Variants in SDK1 observed in about 807,000 individuals in gnomAD.
SDK1 encodes the protein protein sidekick-1.
A neutral mutation model predicts 245.5 loss-of-function variants in SDK1; 157 were observed. The ratio of observed to expected loss-of-function variants is 0.64; its 90% CI spans 0.56 to 0.73. SDK1 has a LOEUF of 0.73. Among genes scored for constraint, SDK1 ranks in the 30% least tolerant of loss-of-function variants. SDK1 has a pLI of 0.00. For missense variants in SDK1, 3,583 were observed against 3,002.3 expected (o/e 1.19, Z -4.52); for synonymous variants, 1,647 against 1,278.5 (o/e 1.29, Z -6.15).
At chr7:4,252,609 G>A (rs558891844) in intron 44 of SDK1, among the ~76,000 whole-genome samples, 6 of 152,260 alleles carry the variant, frequency 3.9e-5, no homozygotes, top group African/African-American at 1.4e-4. Context: ...ATATAGGTCT[G>A]TAGTTTACTT....
At chr7:3,713,807 G>A (rs1475942711) in intron 4 of SDK1, among the ~76,000 whole-genome samples, 1 of 152,134 alleles carries the variant, frequency 6.6e-6, no homozygotes, top group Non-Finnish European at 1.5e-5. Context: ...TAATGTTAAG[G>A]TATTATAGTC....
intron 1 of SDK1, among the ~76,000 whole-genome samples, chr7:3,454,317 G>GT (rs1292371805): frequency 1.3e-5 from 2 of 150,858 alleles, no homozygotes; most frequent in Non-Finnish European, 2.9e-5. Context: ...TTAATGTTAC[G>GT]TTTTTTCAGT....
Position 3,648,624 on chromosome 7 carries a change from C to T in SDK1, c.713+6519C>T, listed in dbSNP as rs555171529. Among the ~76,000 whole-genome samples the T allele has an allele frequency of 3.3e-5, 5 of 152,260 alleles. No individual in the cohort carries two copies. The South Asian group carries it at 8.3e-4, about 25-fold the overall frequency. On this transcript the variant is annotated intron_variant, in intron 4 of 44. Coordinates refer to ENST00000404826, the MANE Select transcript of SDK1 (RefSeq NM_152744.4). ...TTCAAGAAAGATTTGTTTAAATTAG[C>T]GCTTGCATTGGAAGTCACAACTTAA...
At chr7:3,544,326 G>C (rs1041690700) in intron 1 of SDK1, among the ~76,000 whole-genome samples, 2 of 152,232 alleles carry the variant, frequency 1.3e-5, no homozygotes, top group African/African-American at 4.8e-5. Context: ...TTTTGTCAGA[G>C]AAAGTGGTGT....
In SDK1 at chr7:3,474,978, A is replaced by G. The variant is rs528169266; in HGVS notation, c.299-144102A>G. 3.9e-5 allele frequency among the ~76,000 whole-genome samples: 6 copies of G among 152,314 alleles called. No homozygotes were observed. In the East Asian group the frequency reaches 1.2e-3, roughly 29 times the overall value. On this transcript the variant is annotated intron_variant, in intron 1 of 44. Coordinates refer to ENST00000404826, the MANE Select transcript of SDK1 (RefSeq NM_152744.4). ...AATTCTGGAATTGCAGGTGTGAGCC[A>G]CCGTGTCCAGCCCTGACCCATTGTA... is the stretch of plus-strand genomic sequence containing the variant.
intron 4 of SDK1, among the ~76,000 whole-genome samples, chr7:3,810,201 AC>A (rs1451159953): frequency 6.6e-6 from 1 of 152,162 alleles, no homozygotes; most frequent in Non-Finnish European, 1.5e-5. Flanking sequence ...GTCCTCATCT[AC>A]TTTTTAGACG....
At chr7:4,227,501 G>A (rs1162596618) in intron 40 of SDK1, 1 of 463,718 alleles carries the variant, frequency 2.2e-6, no homozygotes, top group African/African-American at 2.0e-5. Context: ...TTTCTAACCT[G>A]GATTGGCCAT....
chr7:3,570,169 A>G (rs779590510), intron 1 of SDK1, among the ~76,000 whole-genome samples: 11 of 151,982 alleles, frequency 7.2e-5, no homozygotes, highest in African/African-American at 1.2e-4. Context: ...CCTTGACTCA[A>G]CCTTTTTGGC....
intron 1 of SDK1, among the ~76,000 whole-genome samples, chr7:3,506,397 C>T (rs1201227430): frequency 6.6e-6 from 1 of 152,064 alleles, no homozygotes; most frequent in African/African-American, 2.4e-5. Context: ...TTGTTTGCTT[C>T]TATTTATCAC....
At chr7:3,975,909 G>C (rs992297382) in intron 13 of SDK1, among the ~76,000 whole-genome samples, 1 of 148,038 alleles carries the variant, frequency 6.8e-6, no homozygotes, top group African/African-American at 2.5e-5. Flanking sequence ...CTGCCACGTA[G>C]AGGGTCCTCC....
At chr7:4,065,694 G>GTTGTTTTTTTTT (rs1779841876) in intron 19 of SDK1, among the ~76,000 whole-genome samples, 10 of 66,732 alleles carry the variant, frequency 1.5e-4, no homozygotes, top group African/African-American at 3.4e-4. Flanking sequence ...AGTGGTTGTT[G>GTTGTTTTTTTTT]TTTTTTTTTT....
intron 5 of SDK1, among the ~76,000 whole-genome samples, chr7:3,904,437 C>G (rs1340815356): frequency 6.6e-6 from 1 of 152,078 alleles, no homozygotes; most frequent in Non-Finnish European, 1.5e-5. Context: ...GTGACTCACA[C>G]CTGTAATGCA....
At chr7:3,486,435 A>G (rs1203813099) in intron 1 of SDK1, among the ~76,000 whole-genome samples, 7 of 151,866 alleles carry the variant, frequency 4.6e-5, no homozygotes, top group African/African-American at 1.7e-4. Flanking sequence ...CTAATAATTT[A>G]TTCTACTTTC....
chr7:3,536,873 A>G (rs533875363), intron 1 of SDK1, among the ~76,000 whole-genome samples: 4 of 152,230 alleles, frequency 2.6e-5, no homozygotes, highest in African/African-American at 4.8e-5. Context: ...GTACCATGCT[A>G]TTATGAAGTA....
At chr7:3,763,054 C>T (rs1026497608) in intron 4 of SDK1, among the ~76,000 whole-genome samples, 1 of 152,120 alleles carries the variant, frequency 6.6e-6, no homozygotes, top group African/African-American at 2.4e-5. Context: ...AGTACCCTAT[C>T]CTGTGTCAAC....
intron 17 of SDK1, among the ~76,000 whole-genome samples, chr7:4,048,756 G>T (rs993747242): frequency 2.0e-5 from 3 of 152,218 alleles, no homozygotes; most frequent in Non-Finnish European, 4.4e-5. Flanking sequence ...ATGCCCTGAA[G>T]GCAGTCATTT....
chr7:4,017,084 C>A (rs1786462793), intron 16 of SDK1, 87 bp from the exon 17 acceptor site: 5 of 1,300,640 alleles, frequency 3.8e-6, no homozygotes, highest in South Asian at 1.5e-5. Context: ...CTTCCATTTC[C>A]CCCTAACCCT....
intron 4 of SDK1, among the ~76,000 whole-genome samples, chr7:3,817,322 G>T (rs1401403676): frequency 2.0e-5 from 3 of 152,144 alleles, no homozygotes; most frequent in Non-Finnish European, 4.4e-5. Flanking sequence ...CAGCTTGTAA[G>T]TACACCCAAT....
Position 3,642,051 on chromosome 7 carries a change from G to A in SDK1, c.659G>A (p.Arg220Lys). Residue 220 changes from arginine to lysine, a missense_variant, in exon 4 of 45, where the codon AGA becomes AAA. Transcript: ENST00000404826. ...CTGCTGCCCATCACCAGCTACCCCAGACCTCAAGTGACTTGGTTTAGAGAA... is the reference window on the plus strand; with the variant it reads ...CTGCTGCCCATCACCAGCTACCCCAAACCTCAAGTGACTTGGTTTAGAGAA... Reference protein sequence around the residue: ...LNLLPITSYPRPQVTWFREGH... With the variant: ...LNLLPITSYPKPQVTWFREGH... 2.5e-6 allele frequency: 4 copies of A among 1,614,140 alleles called. No individual in the cohort carries two copies. The highest frequency in any genetic ancestry group is 2.5e-6 in the Non-Finnish European group (3 of 1,179,972).
Sources: allele counts gnomAD v4.1 joint callset (sites outside exome capture counted in the v4.1 genomes callset), GRCh38; gene constraint gnomAD v4.1.1; transcripts MANE v1.5; gene names NCBI Gene and HGNC (gene_info 2026-07-23, HGNC 2026-07-21).